The following ATAD3B variants were observed in gnomAD, a reference collection of about 807,000 sequenced individuals.
ATAD3B encodes the protein ATPase family AAA domain containing 3B.
Under a neutral mutation model 70.2 loss-of-function variants are expected in ATAD3B, and 59 were observed. That is an observed-to-expected ratio of 0.84 (90% confidence interval 0.68 to 1.04). ATAD3B has a LOEUF of 1.04. ATAD3B is among the 50% of genes least tolerant of loss of function. The pLI is 0.00. For missense variants in ATAD3B, 961 were observed against 913.4 expected (o/e 1.05, Z -0.67); for synonymous variants, 423 against 388.6 (o/e 1.09, Z -1.04).
chr1:1,498,325 G>A (rs1315842715), downstream of ATAD3B, among the ~76,000 whole-genome samples: 1 of 151,590 alleles, frequency 6.6e-6, no homozygotes, highest in Non-Finnish European at 1.5e-5. Flanking sequence ...AAAAATTAGC[G>A]GTGCCTGGTG....
rs148189584 is a variant in ATAD3B, at chr1:1,486,584, C to G, written c.1130C>G (p.Thr377Arg). 1 of 1,611,602 alleles carries G rather than the reference C, an allele frequency of 6.2e-7. No homozygotes were observed. The highest frequency in any genetic ancestry group is 8.5e-7 in the Non-Finnish European group (1 of 1,179,420). The change falls in exon 11 of 16, where the codon ACA becomes AGA. Residue 377 changes from threonine to arginine, a missense_variant. Physicochemically the swap from Thr to Arg is moderately conservative, Grantham distance 71 (BLOSUM62 -1). Around this residue, in one of 4 missense-constraint regions of ATAD3B, gnomAD observed 349 missense variants for 307.5 expected, o/e 1.14. Coordinates refer to ENST00000673477, the MANE Select transcript of ATAD3B (RefSeq NM_031921.6). ...TCAGGCATGGACTACGCCATCATGA[C>G]AGGCGGGGACGTGGCCCCCATGGGG... ...LHSGMDYAIM[T>R]GGDVAPMGRE...
At chr1:1,484,622 G>C (rs948215481) in intron 7 of ATAD3B, 1 of 193,982 alleles carries the variant, frequency 5.2e-6, no homozygotes, top group African/African-American at 2.3e-5. Flanking sequence ...CAGCCTAAAC[G>C]ATTTTTAAAA....
At chr1:1,504,385 C>T in the ATAD3B span, among the ~76,000 whole-genome samples, 1 of 151,926 alleles carries the variant, frequency 6.6e-6, no homozygotes, top group Non-Finnish European at 1.5e-5. Context: ...TGCGGTGGCT[C>T]ACACCTGTAA....
chr1:1,489,620 CT>C, intron 13 of ATAD3B: 1 of 1,313,740 alleles, frequency 7.6e-7, no homozygotes, highest in Non-Finnish European at 1.0e-6. Flanking sequence ...GTGACCGGCC[CT>C]ATGTCCAGGC....
rs1639616418 is a variant in ATAD3B, at chr1:1,476,833, G to A, written c.206-441G>A. Among the ~76,000 whole-genome samples, 6 of 151,298 alleles carry A rather than the reference G, an allele frequency of 4.0e-5. No individual in the cohort carries two copies. The South Asian group carries it at 1.3e-3, about 32-fold the overall frequency. The stretch of plus-strand genomic sequence containing the variant: ...AGAATAATTTTTTTTTAGAGACGGA[G>A]TTGCGCTCTGTTGCCCCGGCTGGAG... On this transcript the variant is annotated intron_variant, in intron 1 of 15. Coordinates refer to ENST00000673477, the MANE Select transcript of ATAD3B (RefSeq NM_031921.6).
Position 1,496,069 on chromosome 1 carries a change from A to T in ATAD3B, c.*252A>T. ...GACTAGACAGAAGTGGGGCGGCCTG[A>T]ACCCTGCTTCCAGCCATGGCCAGGG... On this transcript the variant is annotated 3_prime_UTR_variant, in exon 16 of 16. Coordinates refer to ENST00000673477, the MANE Select transcript of ATAD3B (RefSeq NM_031921.6). 1 of 1,248,058 alleles carries T rather than the reference A, an allele frequency of 8.0e-7. No individual in the cohort carries two copies. Among genetic ancestry groups the T allele is most frequent in the Non-Finnish European group, 1.0e-6 (1 of 993,182 alleles). The allele number at this position is 1,248,058 out of a possible 1,614,324, so 77.3% of individuals were successfully genotyped here.
chr1:1,501,427 T>C (rs1348212427), downstream of ATAD3B, among the ~76,000 whole-genome samples: 1 of 152,120 alleles, frequency 6.6e-6, no homozygotes, highest in Non-Finnish European at 1.5e-5. Context: ...GCTAATTTTT[T>C]TATATTTTTA....
At chr1:1,487,391 G>C (rs1192016273) in intron 11 of ATAD3B, among the ~76,000 whole-genome samples, 2 of 151,770 alleles carry the variant, frequency 1.3e-5, no homozygotes, top group Non-Finnish European at 2.9e-5. Context: ...AGGAGGCTGA[G>C]GCAGGAGAAT....
chr1:1,500,945 A>G (rs767150885), downstream of ATAD3B, among the ~76,000 whole-genome samples: 1 of 152,096 alleles, frequency 6.6e-6, no homozygotes, highest in Admixed American at 6.5e-5. Flanking sequence ...CGACAGAGTG[A>G]GACTCCTCTC....
At chr1:1,485,509 C>T (rs760041230) in intron 8 of ATAD3B, among the ~76,000 whole-genome samples, 10 of 152,174 alleles carry the variant, frequency 6.6e-5, no homozygotes, top group African/African-American at 2.2e-4. Context: ...CCTGGGGAGC[C>T]GCGCCGCTTG....
At chr1:1,482,098 G>A (rs1194856847) in intron 5 of ATAD3B, 40 bp from the exon 6 acceptor site, 1 of 1,592,002 alleles carries the variant, frequency 6.3e-7, no homozygotes, top group Admixed American at 1.8e-5. Flanking sequence ...TGGACGTGCT[G>A]CACTGCATGG....
rs1375487971 is a variant in ATAD3B, at chr1:1,471,777, C to A, written c.-108C>A. 1 of 1,211,206 alleles carries A rather than the reference C, an allele frequency of 8.3e-7. No homozygotes were observed. The highest frequency in any genetic ancestry group is 1.0e-6 in the Non-Finnish European group (1 of 970,708). The allele number at this position is 1,211,206 out of a possible 1,614,324, so 75.0% of individuals were successfully genotyped here. ...GGAAGGGGTGTGTGTTTCGCCTGCG[C>A]AGTGGTCCTGGCCACCGGCTCGCGG... is the stretch of plus-strand genomic sequence containing the variant. On this transcript the variant is annotated 5_prime_UTR_variant, in exon 1 of 16. Coordinates refer to ENST00000673477, the MANE Select transcript of ATAD3B (RefSeq NM_031921.6).
chr1:1,489,629 G>C (rs1640422721), intron 13 of ATAD3B: 1 of 1,335,384 alleles, frequency 7.5e-7, no homozygotes, highest in Non-Finnish European at 1.0e-6. Context: ...CCTATGTCCA[G>C]GCTCCCTCTT....
At chr1:1,473,584 C>T (rs962240686) in intron 1 of ATAD3B, among the ~76,000 whole-genome samples, 2 of 151,112 alleles carry the variant, frequency 1.3e-5, no homozygotes, top group African/African-American at 4.9e-5. Context: ...CAAACCGCAA[C>T]GCCCTGGTTC....
At chr1:1,497,932 T>G (rs1371968611), downstream of ATAD3B, 1 of 150,218 alleles carries the variant, frequency 6.7e-6, no homozygotes, top group Non-Finnish European at 1.5e-5. Context: ...TTCCGAGGCC[T>G]GGGCGGGTGG....
At chr1:1,495,414 G>T (rs930504445) in intron 15 of ATAD3B, 71 bp from the exon 16 acceptor site, 15 of 1,524,002 alleles carry the variant, frequency 9.8e-6, no homozygotes, top group Middle Eastern at 3.6e-4. Flanking sequence ...TCCCCACCTC[G>T]GGGCCCTGGC....
Position 1,489,925 on chromosome 1 carries a change from G to T in ATAD3B, c.1338-332G>T, listed in dbSNP as rs936251274. The T allele has an allele frequency of 2.7e-5, 33 of 1,232,176 alleles. No homozygotes were observed. In the Admixed American group the frequency reaches 1.2e-3, roughly 44 times the overall value. 76.3% of individuals were successfully genotyped at this position (1,232,176 alleles called of 1,614,324 possible). A position where few individuals can be genotyped will look rare whatever the true frequency, so the allele number is the denominator to read the frequency against. The stretch of plus-strand genomic sequence containing the variant: ...AATCTTGACAGGGACTCTGGGTCCC[G>T]CATCCCTGCTCCCAGCACAGCGGGG... On this transcript the variant is annotated intron_variant, in intron 13 of 15. Coordinates refer to ENST00000673477, the MANE Select transcript of ATAD3B (RefSeq NM_031921.6).
chr1:1,503,059 C>G, the ATAD3B span, among the ~76,000 whole-genome samples: 2 of 151,092 alleles, frequency 1.3e-5, no homozygotes, highest in Non-Finnish European at 2.9e-5. Flanking sequence ...CCTGTCTCTA[C>G]TAAAAATACA....
intron 12 of ATAD3B, 108 bp from the exon 13 acceptor site, chr1:1,489,096 G>T (rs1640388593): frequency 3.3e-5 from 51 of 1,562,258 alleles, no homozygotes; most frequent in Non-Finnish European, 4.3e-5. Flanking sequence ...CCATGAAAGT[G>T]TCGCCACGTC....
Sources: gnomAD v4.1 joint callset for allele counts (sites outside exome capture counted in the v4.1 genomes callset) on GRCh38, gnomAD v4.1.1 for gene constraint, gnomAD v4.1.1 regional missense constraint, MANE v1.5 for transcripts, NCBI Gene and HGNC (gene_info 2026-07-23, HGNC 2026-07-21) for gene names.